The following GRIN3A variants were observed in gnomAD, a reference collection of about 807,000 sequenced individuals.
The protein encoded by GRIN3A is glutamate receptor ionotropic, NMDA 3A.
A neutral mutation model predicts 92.4 loss-of-function variants in GRIN3A; 47 were observed. That is an observed-to-expected ratio of 0.51 (90% confidence interval 0.40 to 0.65). The LOEUF (loss-of-function observed/expected upper bound fraction) is 0.65, where lower values mean the gene tolerates loss of function less well. GRIN3A is among the 30% of genes least tolerant of loss of function. GRIN3A has a pLI of 0.00. For missense variants in GRIN3A, 1,324 were observed against 1,393.1 expected (o/e 0.95, Z 0.79); for synonymous variants, 527 against 540.6 (o/e 0.97, Z 0.35).
intron 3 of GRIN3A, among the ~76,000 whole-genome samples, chr9:101,634,335 A>AAAC (rs1828754681): frequency 6.7e-6 from 1 of 148,276 alleles, no homozygotes; most frequent in Non-Finnish European, 1.5e-5. Flanking sequence ...TCCGTCTCAA[A>AAAC]AAAAAAAAAA....
intron 1 of GRIN3A, 45 bp downstream of exon 1, chr9:101,737,236 C>T (rs759351252): frequency 2.0e-5 from 30 of 1,537,102 alleles, no homozygotes; most frequent in Non-Finnish European, 2.2e-5. Flanking sequence ...TGGCCCCGGC[C>T]CCCAGCAGCG....
At chr9:101,644,435 G>A (rs1232020901) in intron 3 of GRIN3A, among the ~76,000 whole-genome samples, 1 of 139,098 alleles carries the variant, frequency 7.2e-6, no homozygotes, top group East Asian at 2.2e-4. Context: ...TTAGTTCCTG[G>A]CCCCTTGAAA....
In GRIN3A at chr9:101,572,613, C is replaced by T. The variant is rs1827774764; in HGVS notation, c.*561G>A. 1 of 161,876 alleles carries T rather than the reference C, an allele frequency of 6.2e-6. No individual in the cohort carries two copies. Among genetic ancestry groups the T allele is most frequent in the African/African-American group, 2.4e-5 (1 of 41,532 alleles). The allele number at this position is 161,876 out of a possible 1,614,324, so 10.0% of individuals were successfully genotyped here. ...AAACATGGCTCTTGCCTGGTCCAAT[C>T]AATCCTTGACGTTTATGATACTAAT... On this transcript the variant is annotated 3_prime_UTR_variant, in exon 9 of 9. Coordinates refer to ENST00000361820, the MANE Select transcript of GRIN3A (RefSeq NM_133445.3).
chr9:101,633,941 T>C (rs1389605098), intron 3 of GRIN3A, among the ~76,000 whole-genome samples: 1 of 152,204 alleles, frequency 6.6e-6, no homozygotes, highest in Admixed American at 6.5e-5. Flanking sequence ...TCATGGTTTA[T>C]GGACCAGGCT....
chr9:101,582,748 A>T (rs1261953597), intron 6 of GRIN3A, among the ~76,000 whole-genome samples: 4 of 152,184 alleles, frequency 2.6e-5, no homozygotes, highest in Non-Finnish European at 1.5e-5. Flanking sequence ...CATTCAGTTA[A>T]ACTCTGAGCA....
chr9:101,619,428 A>G (rs1828518103), intron 5 of GRIN3A, among the ~76,000 whole-genome samples: 1 of 152,192 alleles, frequency 6.6e-6, no homozygotes, highest in Non-Finnish European at 1.5e-5. Context: ...AATTGGTCTC[A>G]ATGCATTAAT....
rs1388337079 is a variant in GRIN3A at position 101,623,209 on chromosome 9, G to A, written c.2614+109C>T. On this transcript the variant is annotated intron_variant, in intron 5 of 8. Coordinates refer to ENST00000361820, the MANE Select transcript of GRIN3A (RefSeq NM_133445.3). ...GTGCTTATGAGTTGAAAATGAAAAC[G>A]AGGGAAGATGAATAGCTCTTTGCTT... 1.6e-5 allele frequency: 12 copies of A among 763,482 alleles called. No homozygotes were observed. In the East Asian group the frequency reaches 2.2e-4, roughly 14 times the overall value. The allele number at this position is 763,482 out of a possible 1,614,324, so 47.3% of individuals were successfully genotyped here. A position where few individuals can be genotyped will look rare whatever the true frequency, so the allele number is the denominator to read the frequency against.
intron 3 of GRIN3A, among the ~76,000 whole-genome samples, chr9:101,634,645 T>C (rs1230049329): frequency 6.6e-6 from 1 of 152,144 alleles, no homozygotes; most frequent in African/African-American, 2.4e-5. Context: ...CATACCCTTA[T>C]CTAGCACTAC....
chr9:101,686,954 C>G lies in GRIN3A; in HGVS notation c.946G>C (p.Glu316Gln). ...GTGGGTGTGCTGTTCTTAATACTCT[C>G]AAGCTGGATCTGTAGGAAGCTCAAG... ...DLLSFLQIQL[E>Q]SIKNSTPTVV... The change falls in exon 2 of 9, where the codon GAG becomes CAG. Residue 316 changes from glutamate to glutamine, a missense_variant. Physicochemically the swap from Glu to Gln is conservative, Grantham distance 29. Transcript: ENST00000361820. The G allele has an allele frequency of 6.2e-7, 1 of 1,614,206 alleles. No homozygotes were observed. The highest frequency in any genetic ancestry group is 8.5e-7 in the Non-Finnish European group (1 of 1,180,036).
chr9:101,669,386 G>A (rs1415463258), intron 3 of GRIN3A, among the ~76,000 whole-genome samples: 2 of 152,054 alleles, frequency 1.3e-5, no homozygotes, highest in African/African-American at 4.8e-5. Context: ...AGGGTCAGAT[G>A]TCTAGGATAT....
intron 3 of GRIN3A, among the ~76,000 whole-genome samples, chr9:101,641,822 A>C (rs7871900): frequency 0.083 from 12,675 of 151,896 alleles, 743 homozygotes; most frequent in East Asian, 0.22. Context: ...AATAAAAAAA[A>C]AGTTGACTTA....
At chr9:101,590,346 CTATTTATTTATTTATT>C (rs35611429) in intron 6 of GRIN3A, among the ~76,000 whole-genome samples, 10,304 of 143,372 alleles carry the variant, frequency 0.072, 421 homozygotes, top group South Asian at 0.097. Flanking sequence ...TAATGACACT[CTATTTATTTATTTATT>C]TATTTATTTA....
chr9:101,715,385 G>A (rs1203835998), intron 1 of GRIN3A, among the ~76,000 whole-genome samples: 1 of 152,086 alleles, frequency 6.6e-6, no homozygotes, highest in East Asian at 1.9e-4. Context: ...GGCCGGGCAT[G>A]GTGGCTCATG....
intron 2 of GRIN3A, among the ~76,000 whole-genome samples, chr9:101,681,303 C>T (rs1164387343): frequency 6.6e-6 from 1 of 152,196 alleles, no homozygotes; most frequent in Admixed American, 6.5e-5. Flanking sequence ...AGCTTTTATA[C>T]TGTATTACTT....
intron 6 of GRIN3A, among the ~76,000 whole-genome samples, chr9:101,590,676 G>A (rs746736357): frequency 5.3e-5 from 8 of 152,064 alleles, no homozygotes; most frequent in Admixed American, 2.0e-4. Context: ...CACCGCGCCC[G>A]GCCAACACTC....
chr9:101,612,469 A>G (rs1410296713), intron 6 of GRIN3A, among the ~76,000 whole-genome samples: 1 of 152,208 alleles, frequency 6.6e-6, no homozygotes, highest in African/African-American at 2.4e-5. Flanking sequence ...ATTCAAGTGG[A>G]GATGTCAAAT....
At chr9:101,677,023 C>CTT (rs775778979) in intron 2 of GRIN3A, among the ~76,000 whole-genome samples, 2 of 144,994 alleles carry the variant, frequency 1.4e-5, no homozygotes, top group Non-Finnish European at 3.0e-5. Context: ...CTTATGTAGT[C>CTT]TTTTTTTTTT....
intron 1 of GRIN3A, among the ~76,000 whole-genome samples, chr9:101,730,848 T>G (rs1176074374): frequency 6.6e-6 from 1 of 152,124 alleles, no homozygotes. Flanking sequence ...TTTCTCTTAT[T>G]ATTTTTTAAT....
intron 3 of GRIN3A, among the ~76,000 whole-genome samples, chr9:101,644,429 T>C (rs768386508): frequency 2.0e-5 from 3 of 147,446 alleles, no homozygotes; most frequent in Non-Finnish European, 3.0e-5. Flanking sequence ...CAGAACTTAG[T>C]TCCTGGCCCC....
Sources: allele counts gnomAD v4.1 joint callset (sites outside exome capture counted in the v4.1 genomes callset), GRCh38; gene constraint gnomAD v4.1.1; transcripts MANE v1.5; gene names NCBI Gene and HGNC (gene_info 2026-07-23, HGNC 2026-07-21).